RAB11FIP1: variants seen among roughly 807,000 people sequenced by gnomAD.
RAB11FIP1 encodes the protein RAB11 family interacting protein 1, also known as rab11 family-interacting protein 1.
Under a neutral mutation model 83.1 loss-of-function variants are expected in RAB11FIP1, and 49 were observed. That is an observed-to-expected ratio of 0.59 (90% CI 0.47 to 0.75). The LOEUF is 0.75. Among genes scored for constraint, RAB11FIP1 ranks in the 30% least tolerant of loss-of-function variants. The probability of loss-of-function intolerance (pLI) is 0.00; values close to 1 mark genes in which losing one functional copy is unlikely to be tolerated. For synonymous variants in RAB11FIP1, 670 were observed against 656.0 expected (o/e 1.02, Z -0.33); for missense variants, 1,536 against 1,598.7 (o/e 0.96, Z 0.67).
At position 37,860,778 on chromosome 8, in the gene RAB11FIP1, TAAATA is replaced by T. The variant is rs970456913; in HGVS notation, c.*2112_*2116del. On this transcript the variant is annotated 3_prime_UTR_variant, in exon 6 of 6. Transcript: ENST00000330843. ...TGGTCCCAGTACTGTAGGAGAGAATTAAATAAAATAAAATAGCTGTAGATAATTAA... is the reference window on the plus strand; with the variant it reads ...TGGTCCCAGTACTGTAGGAGAGAATTAAATAAAATAGCTGTAGATAATTAA... The T allele has an allele frequency of 2.0e-5, 3 of 152,598 alleles. No homozygotes were observed. The highest frequency in any genetic ancestry group is 4.8e-5 in the African/African-American group (2 of 41,462). 9.5% of individuals were successfully genotyped at this position (152,598 alleles called of 1,614,324 possible). A position where few individuals can be genotyped will look rare whatever the true frequency, so the allele number is the denominator to read the frequency against.
chr8:37,881,870 G>T (rs1302439074), intron 1 of RAB11FIP1, among the ~76,000 whole-genome samples: 5 of 152,040 alleles, frequency 3.3e-5, no homozygotes, highest in Admixed American at 3.3e-4. Context: ...ATTTTCCAGG[G>T]CCTGGCCTGG....
intron 1 of RAB11FIP1, among the ~76,000 whole-genome samples, chr8:37,892,256 A>G (rs1806961318): frequency 6.6e-6 from 1 of 151,920 alleles, no homozygotes; most frequent in Non-Finnish European, 1.5e-5. Flanking sequence ...GGTGGCTTGG[A>G]CATCATTCTA....
Position 37,873,171 on chromosome 8 carries a change from ACTTCCAGTCTG to A in RAB11FIP1, c.1623-3_1630del. 1 of 1,586,262 alleles carries A rather than the reference ACTTCCAGTCTG, an allele frequency of 6.3e-7. No individual in the cohort carries two copies. Among genetic ancestry groups the A allele is most frequent in the Admixed American group, 1.8e-5 (1 of 55,484 alleles). On this transcript the variant is annotated splice_acceptor_variant and splice_polypyrimidine_tract_variant and coding_sequence_variant and intron_variant, in exon 4 of 6. Coordinates refer to ENST00000330843, the MANE Select transcript of RAB11FIP1 (RefSeq NM_001002814.3). LOFTEE classifies it high-confidence loss of function. ...GGCTGTGGGTTGCGCCTCTGGAGACACTTCCAGTCTGCAAAAAGGACAAAATAAAATCTGCA... is the reference window on the plus strand; with the variant it reads ...GGCTGTGGGTTGCGCCTCTGGAGACACAAAAAGGACAAAATAAAATCTGCA...
In RAB11FIP1 at chr8:37,872,432, C is replaced by T; in HGVS notation, c.2370G>A (p.Lys790=). The T allele has an allele frequency of 1.2e-6, 2 of 1,614,186 alleles. No individual in the cohort carries two copies. Among genetic ancestry groups the T allele is most frequent in the Admixed American group, 3.3e-5 (2 of 60,014 alleles). Residue 790 remains lysine (K), a synonymous_variant, in exon 4 of 6, where the codon AAG becomes AAA. Coordinates refer to ENST00000330843, the MANE Select transcript of RAB11FIP1 (RefSeq NM_001002814.3). The part of the protein sequence containing the change: ...SVPSIDSMMR[K]LEEMGLNLRK... ...GGAGGTTCAGACCCATCTCTTCCAG[C>T]TTCCGCATCATGGAATCAATGGAAG... is the stretch of plus-strand genomic sequence containing the variant.
chr8:37,891,136 G>A (rs1185663578), intron 1 of RAB11FIP1, among the ~76,000 whole-genome samples: 1 of 152,160 alleles, frequency 6.6e-6, no homozygotes, highest in Non-Finnish European at 1.5e-5. Flanking sequence ...GACATCTTAT[G>A]GAGAGCAAAA....
chr8:37,871,492 A>T lies in RAB11FIP1; in HGVS notation c.3310T>A (p.Phe1104Ile), dbSNP rs567020566. 6.2e-7 allele frequency: 1 copy of T among 1,612,436 alleles called. No homozygotes were observed. The highest frequency in any genetic ancestry group is 2.2e-5 in the East Asian group (1 of 44,776). Reference sequence around the variant, plus strand: ...CTGGGGAAAGAGTGTGTGACAGGAAAGATCTCAGAAGGGGAGGGGCTGGGT... The same window carrying T: ...CTGGGGAAAGAGTGTGTGACAGGAATGATCTCAGAAGGGGAGGGGCTGGGT... ...PVPSPSPSEIFPVTHSFPSSA... is the reference protein window; with the variant it reads ...PVPSPSPSEIIPVTHSFPSSA... The change falls in exon 4 of 6, where the codon TTT becomes ATT. Residue 1104 changes from phenylalanine to isoleucine, a missense_variant. Phe to Ile is a conservative substitution (Grantham distance 21). Transcript: ENST00000330843.
chr8:37,871,420 T>C lies in RAB11FIP1; in HGVS notation c.3382A>G (p.Lys1128Glu), dbSNP rs1014715559. 6.2e-7 allele frequency: 1 copy of C among 1,614,030 alleles called. No individual in the cohort carries two copies. The highest frequency in any genetic ancestry group is 8.5e-7 in the Non-Finnish European group (1 of 1,180,020). ...THHTSTAESQKKATAEGSAGR... is the reference protein window; with the variant it reads ...THHTSTAESQEKATAEGSAGR... ...GCGGAGCCCTCTGCTGTGGCTTTTT[T>C]TTGAGATTCTGCTGTGCTGGTGTGG... Residue 1128 changes from lysine to glutamate, a missense_variant, in exon 4 of 6, where the codon AAA becomes GAA. Coordinates refer to ENST00000330843, the MANE Select transcript of RAB11FIP1 (RefSeq NM_001002814.3).
rs200221818 is a variant in RAB11FIP1 at position 37,872,407 on chromosome 8, G to T, written c.2395C>A (p.Arg799Ser). Residue 799 changes from arginine (R) to serine (S), a missense_variant, in exon 4 of 6, where the codon CGC (arginine) becomes AGC (serine). Transcript: ENST00000330843. ...TTCTTGGTTTTCTTCTGGTCCTTGC[G>T]GAGGTTCAGACCCATCTCTTCCAGC... ...RKLEEMGLNL[R>S]KDQKKTKKRV... The T allele has an allele frequency of 6.2e-7, 1 of 1,613,990 alleles. No individual in the cohort carries two copies. Among genetic ancestry groups the T allele is most frequent in the Admixed American group, 1.7e-5 (1 of 59,982 alleles).
Position 37,887,865 on chromosome 8 carries a change from G to A in RAB11FIP1, c.372-10314C>T, listed in dbSNP as rs137957060. Among the ~76,000 whole-genome samples, 44 of 152,212 alleles carry A rather than the reference G, an allele frequency of 2.9e-4. No individual in the cohort carries two copies. In the East Asian group the frequency reaches 3.7e-3, roughly 13 times the overall value. On this transcript the variant is annotated intron_variant, in intron 1 of 5. Coordinates refer to ENST00000330843, the MANE Select transcript of RAB11FIP1 (RefSeq NM_001002814.3). Reference sequence around the variant, plus strand: ...CATTATACATTACTGGCTTATAATCGTCAAACTTATAATTTTGAATGGCTA... The same window carrying A: ...CATTATACATTACTGGCTTATAATCATCAAACTTATAATTTTGAATGGCTA...
In RAB11FIP1 at chr8:37,871,414, C is replaced by G; in HGVS notation, c.3388G>C (p.Ala1130Pro). 1 of 1,613,826 alleles carries G rather than the reference C, an allele frequency of 6.2e-7. No homozygotes were observed. Among genetic ancestry groups the G allele is most frequent in the Non-Finnish European group, 8.5e-7 (1 of 1,179,902 alleles). The change falls in exon 4 of 6, where the codon GCC becomes CCC. Residue 1130 changes from alanine to proline, a missense_variant. Coordinates refer to ENST00000330843, the MANE Select transcript of RAB11FIP1 (RefSeq NM_001002814.3). The part of the protein sequence containing the change: ...HTSTAESQKK[A>P]TAEGSAGRVE... ...CTACCAGCGGAGCCCTCTGCTGTGG[C>G]TTTTTTTTGAGATTCTGCTGTGCTG...
At chr8:37,888,921 C>T (rs1486539280) in intron 1 of RAB11FIP1, among the ~76,000 whole-genome samples, 1 of 151,684 alleles carries the variant, frequency 6.6e-6, no homozygotes, top group African/African-American at 2.4e-5. Flanking sequence ...CCTCAGCCTC[C>T]TGAGTAGCTG....
In RAB11FIP1 at chr8:37,872,987, G is replaced by A. The variant is rs1187005073; in HGVS notation, c.1815C>T (p.Pro605=). ...TTTCAATTGGAGTGGATGTGGAAATGGGAGCTGCTATGGGAGATGAGAGAG... is the reference window on the plus strand; with the variant it reads ...TTTCAATTGGAGTGGATGTGGAAATAGGAGCTGCTATGGGAGATGAGAGAG... The part of the protein sequence containing the change: ...FSSLSSPIAA[P]ISTSTPIESW... Residue 605 remains proline (P), a synonymous_variant, in exon 4 of 6, where the codon CCC becomes CCT. Transcript: ENST00000330843. 6.2e-7 allele frequency: 1 copy of A among 1,614,028 alleles called. No homozygotes were observed. Among genetic ancestry groups the A allele is most frequent in the Non-Finnish European group, 8.5e-7 (1 of 1,180,010 alleles).
At chr8:37,892,761 T>C (rs1285688222) in intron 1 of RAB11FIP1, among the ~76,000 whole-genome samples, 2 of 152,080 alleles carry the variant, frequency 1.3e-5, no homozygotes, top group Non-Finnish European at 2.9e-5. Flanking sequence ...ATTTTAACAC[T>C]CAGTGGCTTA....
intron 5 of RAB11FIP1, among the ~76,000 whole-genome samples, chr8:37,868,665 T>C (rs942481285): frequency 6.6e-6 from 1 of 152,128 alleles, no homozygotes; most frequent in African/African-American, 2.4e-5. Flanking sequence ...AGATAATGAG[T>C]TGAAGACCAG....
intron 1 of RAB11FIP1, among the ~76,000 whole-genome samples, chr8:37,895,626 C>G (rs1367364905): frequency 6.6e-6 from 1 of 151,774 alleles, no homozygotes; most frequent in Non-Finnish European, 1.5e-5. Flanking sequence ...TCAATTTTTC[C>G]TAATGGGCCA....
intron 1 of RAB11FIP1, among the ~76,000 whole-genome samples, chr8:37,897,813 T>C (rs1807121203): frequency 6.6e-6 from 1 of 152,126 alleles, no homozygotes. Context: ...ACATTCTTTC[T>C]GTAGGGGCAA....
In RAB11FIP1 at chr8:37,872,749, T is replaced by G; in HGVS notation, c.2053A>C (p.Ser685Arg). ...TRETGTEKNTSSLELEESLPE... is the reference protein window; with the variant it reads ...TRETGTEKNTRSLELEESLPE... ...AGAGACTCCTCCAACTCAAGGCTGC[T>G]GGTGTTCTTCTCTGTGCCTGTCTCA... Residue 685 changes from serine to arginine, a missense_variant, in exon 4 of 6, where the codon AGC (serine) becomes CGC (arginine). By Grantham distance (110) the Ser-to-Arg change is moderately radical. Transcript: ENST00000330843. The G allele has an allele frequency of 1.2e-6, 2 of 1,614,268 alleles. No individual in the cohort carries two copies. The highest frequency in any genetic ancestry group is 1.6e-4 in the Middle Eastern group (1 of 6,062).
chr8:37,896,719 A>G (rs1807097760), intron 1 of RAB11FIP1, among the ~76,000 whole-genome samples: 1 of 152,232 alleles, frequency 6.6e-6, no homozygotes, highest in Non-Finnish European at 1.5e-5. Context: ...CTTCTTGGAT[A>G]CATTGGCCCC....
intron 1 of RAB11FIP1, among the ~76,000 whole-genome samples, chr8:37,889,335 T>G (rs1339836094): frequency 6.6e-6 from 1 of 152,178 alleles, no homozygotes; most frequent in Non-Finnish European, 1.5e-5. Context: ...TCTCTAAGAA[T>G]TAGAAAAATT....
Sources: allele counts gnomAD v4.1 joint callset (sites outside exome capture counted in the v4.1 genomes callset), GRCh38; gene constraint gnomAD v4.1.1; transcripts MANE v1.5; gene names NCBI Gene and HGNC (gene_info 2026-07-23, HGNC 2026-07-21).